The following VWA3B variants were observed in gnomAD, a reference collection of about 807,000 sequenced individuals.
VWA3B encodes von Willebrand factor A domain-containing protein 3B.
In VWA3B, 138 loss-of-function variants were observed where a neutral mutation model predicts 158.3. The ratio of observed to expected loss-of-function variants is 0.87; its 90% CI spans 0.76 to 1.00. VWA3B has a LOEUF of 1.00. Among genes scored for constraint, VWA3B ranks in the 50% least tolerant of loss-of-function variants. VWA3B has a pLI of 0.00. For missense variants in VWA3B, 1,555 were observed against 1,565.1 expected (o/e 0.99, Z 0.11); for synonymous variants, 596 against 587.3 (o/e 1.01, Z -0.21).
chr2:98,149,423 T>C (rs1052796696), intron 7 of VWA3B, among the ~76,000 whole-genome samples: 1 of 152,218 alleles, frequency 6.6e-6, no homozygotes. Flanking sequence ...CAGAATTTTC[T>C]GGTGTTTAAA....
intron 21 of VWA3B, among the ~76,000 whole-genome samples, chr2:98,261,159 G>A (rs541702864): frequency 2.2e-4 from 33 of 151,524 alleles, no homozygotes; most frequent in Non-Finnish European, 3.8e-4. Context: ...CGTTGTGATC[G>A]CTCTTTATTT....
At chr2:98,179,978 C>G (rs1251221474) in intron 8 of VWA3B, among the ~76,000 whole-genome samples, 1 of 135,980 alleles carries the variant, frequency 7.4e-6, no homozygotes, top group Non-Finnish European at 1.6e-5. Flanking sequence ...TCATCTATCT[C>G]CTTCCTCCCT....
intron 8 of VWA3B, among the ~76,000 whole-genome samples, chr2:98,172,429 A>G (rs950061467): frequency 1.3e-5 from 2 of 151,992 alleles, no homozygotes; most frequent in Non-Finnish European, 2.9e-5. Context: ...CTCCTCCGAT[A>G]TGCTCCTCTC....
chr2:98,234,209 A>C (rs1208993850), intron 16 of VWA3B, among the ~76,000 whole-genome samples: 1 of 152,260 alleles, frequency 6.6e-6, no homozygotes, highest in East Asian at 1.9e-4. Flanking sequence ...TGTGAAAAGC[A>C]GGGGCTATTT....
At chr2:98,180,940 T>C in intron 8 of VWA3B, 76 bp from the exon 9 acceptor site, 1 of 1,402,738 alleles carries the variant, frequency 7.1e-7, no homozygotes, top group South Asian at 1.4e-5. Flanking sequence ...ACGTTCCAAG[T>C]TGGTCAATAT....
intron 6 of VWA3B, among the ~76,000 whole-genome samples, chr2:98,129,224 A>AGAGAGTGTGTGTGTGTGTGTGTGTGT (rs1370543551): frequency 8.0e-6 from 1 of 124,562 alleles, no homozygotes; most frequent in Non-Finnish European, 1.7e-5. Context: ...AGAGAGAGAG[A>AGAGAGTGTGTGTGTGTGTGTGTGTGT]GTGTGTGTGT....
At chr2:98,104,859 AT>A (rs1683326425) in intron 2 of VWA3B, among the ~76,000 whole-genome samples, 1 of 152,166 alleles carries the variant, frequency 6.6e-6, no homozygotes, top group Admixed American at 6.5e-5. Context: ...CTAAAAGTAG[AT>A]TTCATATGAC....
intron 8 of VWA3B, among the ~76,000 whole-genome samples, chr2:98,168,825 A>G (rs2105283273): frequency 6.6e-6 from 1 of 152,344 alleles, no homozygotes; most frequent in Non-Finnish European, 1.5e-5. Flanking sequence ...AAAACCCGAA[A>G]GAAGATCTGT....
intron 8 of VWA3B, 61 bp from the exon 9 acceptor site, chr2:98,180,955 T>G: frequency 2.0e-6 from 3 of 1,520,126 alleles, no homozygotes; most frequent in Non-Finnish European, 2.7e-6. Context: ...CAATATTAAG[T>G]TGGGGGTGTA....
chr2:98,222,761 A>T (rs879320013), intron 14 of VWA3B, among the ~76,000 whole-genome samples: 3 of 152,222 alleles, frequency 2.0e-5, no homozygotes, highest in Non-Finnish European at 4.4e-5. Context: ...GAAGACCAAG[A>T]TAATACCAAA....
chr2:98,130,305 C>T (rs116469288), intron 6 of VWA3B, among the ~76,000 whole-genome samples: 3,068 of 152,204 alleles, frequency 0.02, 52 homozygotes, highest in Non-Finnish European at 0.03. Flanking sequence ...GGGCTTTACA[C>T]AGAGACATTC....
intron 5 of VWA3B, among the ~76,000 whole-genome samples, chr2:98,127,462 C>G (rs1675458916): frequency 6.6e-6 from 1 of 152,002 alleles, no homozygotes; most frequent in African/African-American, 2.4e-5. Context: ...GGAGGGGCGG[C>G]CGCCCTGAGA....
intron 24 of VWA3B, among the ~76,000 whole-genome samples, chr2:98,299,087 T>G (rs1172904179): frequency 6.6e-6 from 1 of 152,208 alleles, no homozygotes; most frequent in African/African-American, 2.4e-5. Flanking sequence ...TTAGGAAGTT[T>G]GCAGTGATTG....
intron 8 of VWA3B, among the ~76,000 whole-genome samples, chr2:98,172,289 T>C (rs1476295939): frequency 6.6e-6 from 1 of 152,182 alleles, no homozygotes; most frequent in Non-Finnish European, 1.5e-5. Context: ...GTCAGGCGGC[T>C]TGGCAGCCTG....
At chr2:98,252,798 T>C (rs1247254755) in intron 20 of VWA3B, among the ~76,000 whole-genome samples, 1 of 152,132 alleles carries the variant, frequency 6.6e-6, no homozygotes, top group Non-Finnish European at 1.5e-5. Flanking sequence ...CCTCCTTTCT[T>C]AGCAGCAAAA....
At chr2:98,229,936 C>CT (rs1685211555) in intron 15 of VWA3B, 114 bp from the exon 16 acceptor site, 1 of 1,212,976 alleles carries the variant, frequency 8.2e-7, no homozygotes, top group Non-Finnish European at 1.1e-6. Context: ...GGAAGGCTTA[C>CT]TTTTTAAAGT....
chr2:98,300,311 C>A (rs1169010215), intron 25 of VWA3B, 95 bp downstream of exon 25: 1 of 1,537,030 alleles, frequency 6.5e-7, no homozygotes. Context: ...GTTTCCCTGG[C>A]TGCATCTGCT....
chr2:98,168,813 A>T (rs1424469955), intron 8 of VWA3B, among the ~76,000 whole-genome samples: 1 of 152,204 alleles, frequency 6.6e-6, no homozygotes, highest in Admixed American at 6.5e-5. Context: ...AAAAGATTTA[A>T]AAAAACCCGA....
the VWA3B span, among the ~76,000 whole-genome samples, chr2:98,327,353 A>C: frequency 6.6e-6 from 1 of 152,292 alleles, no homozygotes; most frequent in East Asian, 1.9e-4. Flanking sequence ...ATAAGGGAGA[A>C]GGTAACATTT....
Sources: gnomAD v4.1 joint callset for allele counts (sites outside exome capture counted in the v4.1 genomes callset) on GRCh38, gnomAD v4.1.1 for gene constraint, MANE v1.5 for transcripts, NCBI Gene and HGNC (gene_info 2026-07-23, HGNC 2026-07-21) for gene names.